The following CTNNA3 variants were observed in gnomAD, a reference collection of about 807,000 sequenced individuals.
CTNNA3 encodes catenin alpha 3, also known as catenin alpha-3.
In CTNNA3, 76 loss-of-function variants were observed where a neutral mutation model predicts 95.7. The observed-to-expected ratio is 0.79, with a 90% confidence interval of 0.66 to 0.96. CTNNA3 has a LOEUF of 0.96. Among genes scored for constraint, CTNNA3 ranks in the 40% least tolerant of loss-of-function variants. The pLI is 0.00. For missense variants in CTNNA3, 1,191 were observed against 1,089.8 expected (o/e 1.09, Z -1.31); for synonymous variants, 431 against 374.4 (o/e 1.15, Z -1.74).
At chr10:67,166,103 G>A (rs1262275026) in intron 7 of CTNNA3, among the ~76,000 whole-genome samples, 1 of 152,140 alleles carries the variant, frequency 6.6e-6, no homozygotes, top group Non-Finnish European at 1.5e-5. Context: ...AACTGCAAGA[G>A]GCTAAATAAA....
chr10:66,822,639 G>C (rs917785533), intron 7 of CTNNA3, among the ~76,000 whole-genome samples: 37 of 152,236 alleles, frequency 2.4e-4, no homozygotes, highest in Admixed American at 7.2e-4. Context: ...ACTTTCAATA[G>C]TAGACTATTA....
At chr10:67,366,636 C>T (rs191007280) in intron 5 of CTNNA3, among the ~76,000 whole-genome samples, 38 of 150,874 alleles carry the variant, frequency 2.5e-4, no homozygotes, top group African/African-American at 7.3e-4. Flanking sequence ...AGCAAAACTT[C>T]GTCCAAAGGA....
At chr10:66,675,871 C>T (rs1434839923) in intron 9 of CTNNA3, among the ~76,000 whole-genome samples, 2 of 152,010 alleles carry the variant, frequency 1.3e-5, no homozygotes, top group Admixed American at 6.6e-5. Flanking sequence ...TTGGGAGATA[C>T]TATCTGGAGA....
At chr10:66,516,659 T>C (rs1017143040) in intron 11 of CTNNA3, among the ~76,000 whole-genome samples, 7 of 152,168 alleles carry the variant, frequency 4.6e-5, no homozygotes, top group African/African-American at 1.7e-4. Context: ...TGTTAATCAC[T>C]TATCAGCACC....
At chr10:66,736,892 GA>G (rs1849162492) in intron 9 of CTNNA3, among the ~76,000 whole-genome samples, 1 of 152,030 alleles carries the variant, frequency 6.6e-6, no homozygotes, top group Non-Finnish European at 1.5e-5. Flanking sequence ...GTAAATAGTT[GA>G]AAAACATTTG....
chr10:66,334,631 G>C (rs2092373375), intron 12 of CTNNA3, among the ~76,000 whole-genome samples: 2 of 152,072 alleles, frequency 1.3e-5, no homozygotes, highest in South Asian at 4.2e-4. Context: ...TCCCTTTGTG[G>C]GTAACCCGAC....
At chr10:67,244,489 A>G (rs1904634) in intron 5 of CTNNA3, among the ~76,000 whole-genome samples, 36,863 of 152,110 alleles carry the variant, frequency 0.24, 7,574 homozygotes, top group African/African-American at 0.56. Context: ...GCTAAATTTC[A>G]GGTATTCTGA....
At chr10:66,538,396 A>G (rs1841732597) in intron 10 of CTNNA3, among the ~76,000 whole-genome samples, 1 of 152,172 alleles carries the variant, frequency 6.6e-6, no homozygotes, top group South Asian at 2.1e-4. Flanking sequence ...ATATATTTCC[A>G]GAGGTTAGTG....
intron 5 of CTNNA3, among the ~76,000 whole-genome samples, chr10:67,346,202 C>T (rs1018416697): frequency 3.9e-5 from 6 of 152,030 alleles, no homozygotes; most frequent in African/African-American, 1.4e-4. Context: ...TCTTTAAAAG[C>T]TTTGTAGTTA....
chr10:66,808,596 T>C (rs1201424948), intron 7 of CTNNA3, among the ~76,000 whole-genome samples: 2 of 152,146 alleles, frequency 1.3e-5, no homozygotes, highest in Non-Finnish European at 2.9e-5. Flanking sequence ...ATTCTGAAAA[T>C]CTCAAGTGAA....
At chr10:66,185,248 TTAG>T (rs1369863739) in intron 13 of CTNNA3, among the ~76,000 whole-genome samples, 1 of 152,052 alleles carries the variant, frequency 6.6e-6, no homozygotes, top group African/African-American at 2.4e-5. Flanking sequence ...AATAACACAA[TTAG>T]TAGATAGAGT....
chr10:67,058,227 T>C (rs949466596), intron 7 of CTNNA3, among the ~76,000 whole-genome samples: 6 of 152,158 alleles, frequency 3.9e-5, no homozygotes, highest in Non-Finnish European at 7.4e-5. Context: ...ACCACTACAC[T>C]GCAACAACTT....
At chr10:67,094,182 T>C (rs1274065795) in intron 7 of CTNNA3, among the ~76,000 whole-genome samples, 1 of 151,976 alleles carries the variant, frequency 6.6e-6, no homozygotes, top group Non-Finnish European at 1.5e-5. Flanking sequence ...TCATTATAAA[T>C]AATTAGAAGC....
At chr10:67,235,359 A>G (rs1223342465) in intron 5 of CTNNA3, among the ~76,000 whole-genome samples, 5 of 152,072 alleles carry the variant, frequency 3.3e-5, no homozygotes, top group Non-Finnish European at 7.4e-5. Flanking sequence ...AAATAATGCC[A>G]CATATCTACA....
In CTNNA3 at chr10:67,182,461, G is replaced by C. The variant is rs566773735; in HGVS notation, c.844-1941C>G. Among the ~76,000 whole-genome samples, 1,267 of 151,702 alleles carry C rather than the reference G, an allele frequency of 8.4e-3. 7 individuals carry two copies. Among genetic ancestry groups the C allele is most frequent in the African/African-American group, 0.017 (689 of 41,026 alleles). ...GAAAGGATTCCCTATTTAATAAATG[G>C]TGCTGGGAAAACGGGCTAGCCATAT... On this transcript the variant is annotated intron_variant, in intron 6 of 17. Coordinates refer to ENST00000433211, the MANE Select transcript of CTNNA3 (RefSeq NM_013266.4).
chr10:66,805,624 C>T (rs889654829), intron 7 of CTNNA3, among the ~76,000 whole-genome samples: 1 of 151,474 alleles, frequency 6.6e-6, no homozygotes, highest in East Asian at 1.9e-4. Flanking sequence ...CTATTTTTCT[C>T]AGAAAATTCA....
chr10:66,211,119 G>A (rs2088126337), intron 13 of CTNNA3, among the ~76,000 whole-genome samples: 1 of 152,144 alleles, frequency 6.6e-6, no homozygotes, highest in South Asian at 2.1e-4. Flanking sequence ...TTCCCAGAAT[G>A]CTTCCAAACG....
intron 5 of CTNNA3, among the ~76,000 whole-genome samples, chr10:67,505,434 C>A (rs182214392): frequency 6.6e-6 from 1 of 152,202 alleles, no homozygotes. Context: ...ATGTGGTGGA[C>A]CATTACATTC....
Position 67,485,197 on chromosome 10 carries a change from T to G in CTNNA3, c.579+36645A>C, listed in dbSNP as rs187023199. ...ATGGATGCAGCTGGAGGCCATTATC[T>G]TATGCAAGTTAACACAGAAACAGAA... On this transcript the variant is annotated intron_variant, in intron 5 of 17. Transcript: ENST00000433211. Among the ~76,000 whole-genome samples the G allele has an allele frequency of 3.6e-3, 551 of 152,264 alleles. 8 individuals are homozygous for G. Among genetic ancestry groups the G allele is most frequent in the African/African-American group, 0.013 (528 of 41,554 alleles).
Sources: allele counts gnomAD v4.1 joint callset (sites outside exome capture counted in the v4.1 genomes callset), GRCh38; gene constraint gnomAD v4.1.1; transcripts MANE v1.5; gene names NCBI Gene and HGNC (gene_info 2026-07-23, HGNC 2026-07-21).